CCDC187: variants seen among roughly 807,000 people sequenced by gnomAD.
CCDC187 encodes coiled-coil domain containing 187, also known as coiled-coil domain-containing protein 187.
A neutral mutation model predicts 38.0 loss-of-function variants in CCDC187; 32 were observed. The observed-to-expected ratio is 0.84, with a 90% CI of 0.64 to 1.13. The LOEUF (loss-of-function observed/expected upper bound fraction) is 1.13, where lower values mean the gene tolerates loss of function less well. Ranked by LOEUF, CCDC187 falls within the 50% of genes most tolerant of loss-of-function variation. The pLI is 0.00. For missense variants in CCDC187, 707 were observed against 786.8 expected (o/e 0.90, Z 1.21); for synonymous variants, 333 against 347.9 (o/e 0.96, Z 0.48).
rs959500209 is a variant in CCDC187 at position 136,293,869 on chromosome 9, C to T, written c.833-1574G>A. Among the ~76,000 whole-genome samples, 411 of 136,650 alleles carry T rather than the reference C, an allele frequency of 3.0e-3. 1 individual carries two copies. Among genetic ancestry groups the T allele is most frequent in the Middle Eastern group, 7.2e-3 (2 of 276 alleles). The allele number at this position is 136,650 out of a possible 152,430, so 89.6% of individuals were successfully genotyped here. On this transcript the variant is annotated intron_variant, in intron 4 of 25. Coordinates refer to ENST00000638797, the MANE Select transcript of CCDC187 (RefSeq NM_001378188.1). ...TCTCACACACATTCAGTCTCATATG[C>T]TCTCTGACTCACACGCTCACACACA...
In CCDC187 at chr9:136,290,334, T is replaced by C. The variant is rs934186858; in HGVS notation, c.2127+152A>G. The stretch of plus-strand genomic sequence containing the variant: ...AGAAGCTCTGGCTTTCTACAGGCAG[T>C]GGCAGCGACGCCACGAAGTCCCCAG... On this transcript the variant is annotated intron_variant, in intron 6 of 25. Transcript: ENST00000638797. Among the ~76,000 whole-genome samples the C allele has an allele frequency of 3.4e-3, 512 of 152,136 alleles. 5 individuals are homozygous for C. Among genetic ancestry groups the C allele is most frequent in the African/African-American group, 0.012 (496 of 41,502 alleles).
chr9:136,293,955 CAT>C (rs1831459138), intron 4 of CCDC187, among the ~76,000 whole-genome samples: 6 of 149,972 alleles, frequency 4.0e-5, no homozygotes, highest in Non-Finnish European at 7.4e-5. Context: ...CACACATGCT[CAT>C]ATACACATGC....
At chr9:136,278,150 T>G (rs1830970216) in intron 10 of CCDC187, among the ~76,000 whole-genome samples, 1 of 152,262 alleles carries the variant, frequency 6.6e-6, no homozygotes, top group South Asian at 2.1e-4. Context: ...CTGAAATTCC[T>G]TTTTTGCAAA....
chr9:136,259,390 G>C lies in CCDC187; in HGVS notation c.4269C>G (p.Asp1423Glu). The stretch of plus-strand genomic sequence containing the variant: ...GAAAGGCTGGGCCCAGCCGCTGTCC[G>C]TCCGGGGGGCTCACGTGCTGCAGGC... ...LLGLQHVSPP[D>E]GQRLGPAFPA... The change falls in exon 21 of 26, where the codon GAC (aspartate) becomes GAG (glutamate). Residue 1423 changes from aspartate (D) to glutamate (E), a missense_variant. Asp to Glu is a conservative substitution (Grantham distance 45, BLOSUM62 2). Coordinates refer to ENST00000638797, the MANE Select transcript of CCDC187 (RefSeq NM_001378188.1). The C allele has an allele frequency of 1.0e-6, 1 of 985,236 alleles. No homozygotes were observed. The highest frequency in any genetic ancestry group is 1.2e-6 in the Non-Finnish European group (1 of 829,984). 61.0% of individuals were successfully genotyped at this position (985,236 alleles called of 1,614,324 possible).
In CCDC187 at chr9:136,267,486, TC is replaced by T; in HGVS notation, c.3544del (p.Glu1182ArgfsTer70). 1 of 985,656 alleles carries T rather than the reference TC, an allele frequency of 1.0e-6. No homozygotes were observed. The highest frequency in any genetic ancestry group is 1.2e-6 in the Non-Finnish European group (1 of 830,114). 61.1% of individuals were successfully genotyped at this position (985,656 alleles called of 1,614,324 possible). On this transcript the variant is annotated frameshift_variant, in exon 16 of 26. Coordinates refer to ENST00000638797, the MANE Select transcript of CCDC187 (RefSeq NM_001378188.1). LOFTEE classifies it high-confidence loss of function. Reference protein sequence around the residue: ...HQMLERSLREEELRAQHQAAL... With the variant: ...HQMLERSLREXELRAQHQAAL... ...GGCCTGGTGCTGTGCTCGCAGCTCC[TC>T]CTCCCGCAGGCTCCGCTCCAGCATC... is the stretch of plus-strand genomic sequence containing the variant.
At chr9:136,287,692 C>G (rs927817718) in intron 7 of CCDC187, among the ~76,000 whole-genome samples, 3 of 152,180 alleles carry the variant, frequency 2.0e-5, no homozygotes, top group Admixed American at 6.6e-5. Context: ...AGACCAAACC[C>G]CTGGTGTTTC....
At chr9:136,303,317 C>T (rs1020178332) in intron 1 of CCDC187, 24 bp from the exon 2 acceptor site, 36 of 396,966 alleles carry the variant, frequency 9.1e-5, no homozygotes, top group African/African-American at 2.7e-4. Flanking sequence ...GCAGACATGC[C>T]GGTCAGACAT....
chr9:136,258,216 C>T lies in CCDC187; in HGVS notation c.4366+716G>A, dbSNP rs904248404. Among the ~76,000 whole-genome samples the T allele has an allele frequency of 3.9e-5, 6 of 152,230 alleles. No individual in the cohort carries two copies. Among genetic ancestry groups the T allele is most frequent in the African/African-American group, 9.6e-5 (4 of 41,466 alleles). ...AGGGAGCCCCACCAGCCACGCTCTCCTGGGCAGCCCCACAAGTGCTTCTGA... is the reference window on the plus strand; with the variant it reads ...AGGGAGCCCCACCAGCCACGCTCTCTTGGGCAGCCCCACAAGTGCTTCTGA... On this transcript the variant is annotated intron_variant, in intron 22 of 25. Transcript: ENST00000638797. This position sits in a 1 kb window ranked among gnomAD's most constrained non-coding sequence, Gnocchi z 4.3.
intron 9 of CCDC187, among the ~76,000 whole-genome samples, chr9:136,284,021 C>A (rs1831111665): frequency 1.3e-5 from 2 of 152,120 alleles, no homozygotes; most frequent in Admixed American, 1.3e-4. Context: ...AGCCCGCCAT[C>A]CCCTGAGGGC....
intron 4 of CCDC187, among the ~76,000 whole-genome samples, chr9:136,293,425 T>TCACG (rs1377485932): frequency 9.9e-6 from 1 of 100,760 alleles, no homozygotes; most frequent in African/African-American, 3.8e-5. Context: ...GCTCACATAC[T>TCACG]CTCACATGCT....
chr9:136,293,217 A>G (rs1831388118), intron 4 of CCDC187, among the ~76,000 whole-genome samples: 2 of 145,200 alleles, frequency 1.4e-5, no homozygotes, highest in South Asian at 2.2e-4. Flanking sequence ...ACACATGCTC[A>G]CACACTCACA....
At chr9:136,293,271 T>C (rs1369890357) in intron 4 of CCDC187, among the ~76,000 whole-genome samples, 1 of 133,098 alleles carries the variant, frequency 7.5e-6, no homozygotes, top group Non-Finnish European at 1.6e-5. Context: ...ACTCATGCTT[T>C]CACACTAACA....
chr9:136,270,961 G>A (rs1423727079), intron 14 of CCDC187, among the ~76,000 whole-genome samples: 1 of 152,204 alleles, frequency 6.6e-6, no homozygotes, highest in East Asian at 1.9e-4. Flanking sequence ...CCTAATGATT[G>A]ATAATTGTCC....
At chr9:136,298,325 T>TG (rs1292353398) in intron 3 of CCDC187, among the ~76,000 whole-genome samples, 38 of 152,044 alleles carry the variant, frequency 2.5e-4, no homozygotes, top group South Asian at 2.1e-4. Flanking sequence ...GGGCCAGACC[T>TG]GGGGGGGCCT....
chr9:136,282,591 C>G (rs1283729140), intron 9 of CCDC187, among the ~76,000 whole-genome samples: 1 of 152,224 alleles, frequency 6.6e-6, no homozygotes, highest in Non-Finnish European at 1.5e-5. Context: ...CACAGTGACC[C>G]AGAACCCACT....
chr9:136,255,548 G>A, intron 25 of CCDC187, 109 bp downstream of exon 25: 1 of 375,278 alleles, frequency 2.7e-6, no homozygotes, highest in South Asian at 1.1e-4. Flanking sequence ...AGTGGGGAAG[G>A]CAGGGGCTGC....
Position 136,303,060 on chromosome 9 carries a change from T to A in CCDC187, c.377A>T (p.Asp126Val), listed in dbSNP as rs1377106105. ...GRLSCSSGGH[D>V]VCVSWKERPP... ...CCTCTCCTTCCAAGACACACACACG[T>A]CGTGGCCCCCCGAAGAGCACGAGAG... Residue 126 changes from aspartate to valine, a missense_variant, in exon 2 of 26, where the codon GAC becomes GTC. Transcript: ENST00000638797. 2.5e-6 allele frequency: 1 copy of A among 398,520 alleles called. No homozygotes were observed. 24.7% of individuals were successfully genotyped at this position (398,520 alleles called of 1,614,324 possible). A position where few individuals can be genotyped will look rare whatever the true frequency, so the allele number is the denominator to read the frequency against.
intron 10 of CCDC187, among the ~76,000 whole-genome samples, chr9:136,279,676 C>G (rs1831001949): frequency 6.6e-6 from 1 of 152,238 alleles, no homozygotes; most frequent in African/African-American, 2.4e-5. Flanking sequence ...CCAGCCCATA[C>G]CCGGGCACTC....
Position 136,264,586 on chromosome 9 carries a change from G to A in CCDC187, c.3736-788C>T, listed in dbSNP as rs555533606. 1.8e-4 allele frequency among the ~76,000 whole-genome samples: 28 copies of A among 152,226 alleles called. 1 individual carries two copies. The highest frequency in any genetic ancestry group is 1.5e-3 in the Admixed American group (23 of 15,288). On this transcript the variant is annotated intron_variant, in intron 17 of 25. Transcript: ENST00000638797. The surrounding 1 kb of genome is among the most constrained non-coding windows in gnomAD (Gnocchi z 4.3). ...GCATGGGTCTGTGGCCTGGGTCTCC[G>A]CCCCCAGCTCCCTTGCCTGTAATGC...
Sources: gnomAD v4.1 joint callset for allele counts (sites outside exome capture counted in the v4.1 genomes callset) on GRCh38, gnomAD v4.1.1 for gene constraint, Gnocchi (gnomAD v3.1) non-coding constraint, MANE v1.5 for transcripts, NCBI Gene and HGNC (gene_info 2026-07-23, HGNC 2026-07-21) for gene names.